Variants in MAP2K4 observed in about 807,000 individuals in gnomAD.
MAP2K4 encodes the protein mitogen-activated protein kinase kinase 4, also known as dual specificity mitogen-activated protein kinase kinase 4.
A neutral mutation model predicts 48.5 loss-of-function variants in MAP2K4; 4 were observed. The ratio of observed to expected loss-of-function variants is 0.08; its 90% CI spans 0.04 to 0.19. The LOEUF is 0.19. Among genes scored for constraint, MAP2K4 ranks in the 10% least tolerant of loss-of-function variants. The probability of loss-of-function intolerance (pLI) is 1.00; values close to 1 mark genes in which losing one functional copy is unlikely to be tolerated. For missense variants in MAP2K4, 258 were observed against 493.3 expected, an observed-to-expected ratio of 0.52 and a Z score of 4.52; for synonymous variants, 166 against 173.1, an observed-to-expected ratio of 0.96 and a Z score of 0.32.
chr17:12,021,049 C>A, intron 1 of MAP2K4, 48 bp downstream of exon 1: 2 of 1,128,448 alleles, frequency 1.8e-6, no homozygotes, highest in Non-Finnish European at 2.2e-6. Flanking sequence ...GCGCGGCAAC[C>A]CGCGTCGTCG....
intron 7 of MAP2K4, among the ~76,000 whole-genome samples, chr17:12,119,303 A>C (rs542690623): frequency 6.6e-6 from 1 of 152,344 alleles, no homozygotes; most frequent in South Asian, 2.1e-4. Context: ...TTTATAAGAA[A>C]GAAAACAACC....
chr17:12,131,459 C>G (rs985282479), intron 9 of MAP2K4, among the ~76,000 whole-genome samples: 2 of 151,738 alleles, frequency 1.3e-5, no homozygotes, highest in African/African-American at 4.8e-5. Context: ...GTTGGCCAGG[C>G]TGATCTCGAA....
intron 4 of MAP2K4, among the ~76,000 whole-genome samples, chr17:12,103,829 T>G (rs1176869517): frequency 6.6e-6 from 1 of 152,174 alleles, no homozygotes; most frequent in African/African-American, 2.4e-5. Context: ...TATGTAAATA[T>G]AGATTCGTAA....
intron 3 of MAP2K4, among the ~76,000 whole-genome samples, chr17:12,085,322 A>C (rs1971324760): frequency 6.6e-6 from 1 of 152,100 alleles, no homozygotes; most frequent in Admixed American, 6.5e-5. Flanking sequence ...TGAAGAACTG[A>C]ATAATATTGA....
intron 4 of MAP2K4, among the ~76,000 whole-genome samples, chr17:12,098,814 C>T (rs1971841259): frequency 6.6e-6 from 1 of 152,118 alleles, no homozygotes. Flanking sequence ...AGACTCAGCT[C>T]TTGGTTTGGT....
intron 2 of MAP2K4, among the ~76,000 whole-genome samples, chr17:12,061,546 T>C (rs957949325): frequency 1.3e-5 from 2 of 152,216 alleles, no homozygotes; most frequent in African/African-American, 2.4e-5. Flanking sequence ...AGGTGGTGGA[T>C]GCTAATTCTG....
intron 1 of MAP2K4, among the ~76,000 whole-genome samples, chr17:12,048,546 G>A (rs1597410847): frequency 6.6e-6 from 1 of 152,132 alleles, no homozygotes. Context: ...TTGCCAGTGG[G>A]GGGAGATAGG....
At chr17:12,029,312 C>A (rs1969357143) in intron 1 of MAP2K4, among the ~76,000 whole-genome samples, 1 of 152,084 alleles carries the variant, frequency 6.6e-6, no homozygotes, top group Non-Finnish European at 1.5e-5. Context: ...ATTGATTCAT[C>A]AGTGTCAAGA....
At chr17:12,082,753 G>A (rs1305146604) in intron 3 of MAP2K4, among the ~76,000 whole-genome samples, 2 of 152,172 alleles carry the variant, frequency 1.3e-5, no homozygotes, top group Admixed American at 6.5e-5. Flanking sequence ...TTTTTAAAAT[G>A]TGGTGAGAAC....
At chr17:12,048,987 A>G (rs1258641385) in intron 1 of MAP2K4, among the ~76,000 whole-genome samples, 2 of 152,102 alleles carry the variant, frequency 1.3e-5, no homozygotes, top group African/African-American at 2.4e-5. Context: ...AGCTTATGAA[A>G]TATTAGGTCT....
At chr17:12,038,328 T>C (rs1301884942) in intron 1 of MAP2K4, among the ~76,000 whole-genome samples, 3 of 152,142 alleles carry the variant, frequency 2.0e-5, no homozygotes, top group Admixed American at 2.0e-4. Flanking sequence ...GTTAATAAGA[T>C]GCACTAAGAA....
chr17:12,042,558 C>G (rs1969823827), intron 1 of MAP2K4, among the ~76,000 whole-genome samples: 1 of 151,882 alleles, frequency 6.6e-6, no homozygotes, highest in Non-Finnish European at 1.5e-5. Flanking sequence ...GGAGTATCGC[C>G]TAAGCTCGGG....
intron 1 of MAP2K4, among the ~76,000 whole-genome samples, chr17:12,054,427 T>C (rs903551656): frequency 3.3e-5 from 5 of 152,192 alleles, no homozygotes; most frequent in Non-Finnish European, 5.9e-5. Context: ...AAGTTTACTC[T>C]ACCGTAATGT....
In MAP2K4 at chr17:12,050,623, GT is replaced by G. The variant is rs139272847; in HGVS notation, c.116-4261del. On this transcript the variant is annotated intron_variant, in intron 1 of 10. Transcript: ENST00000353533. ...TGGACTCTCAACTGCCCGTGTTGAG[GT>G]TTTTGGCCAAGATCGAAGCAAACTA... Among the ~76,000 whole-genome samples, 1,040 of 152,286 alleles carry G rather than the reference GT, an allele frequency of 6.8e-3. 11 individuals carry two copies. Among genetic ancestry groups the G allele is most frequent in the African/African-American group, 0.024 (998 of 41,544 alleles).
intron 3 of MAP2K4, among the ~76,000 whole-genome samples, chr17:12,089,647 A>T (rs1971497753): frequency 6.6e-6 from 1 of 152,116 alleles, no homozygotes; most frequent in South Asian, 2.1e-4. Context: ...CAGCAGGGAG[A>T]TGTATCTCCT....
intron 6 of MAP2K4, among the ~76,000 whole-genome samples, chr17:12,111,125 T>A (rs1046357119): frequency 6.6e-6 from 1 of 152,096 alleles, no homozygotes; most frequent in Non-Finnish European, 1.5e-5. Flanking sequence ...CTCAGCAAAT[T>A]TGTAACGGAA....
chr17:12,073,635 T>C (rs9916795), intron 2 of MAP2K4, among the ~76,000 whole-genome samples: 1,723 of 152,286 alleles, frequency 0.011, 30 homozygotes, highest in African/African-American at 0.039. Flanking sequence ...TGAGGTATAA[T>C]TGGCATAGAA....
chr17:12,139,001 T>G (rs1424307881), intron 9 of MAP2K4, among the ~76,000 whole-genome samples: 3 of 152,136 alleles, frequency 2.0e-5, no homozygotes, highest in African/African-American at 7.2e-5. Context: ...AGTGGAAGAA[T>G]AAGTCCTTCC....
intron 4 of MAP2K4, among the ~76,000 whole-genome samples, chr17:12,103,038 T>TTAA (rs2151568534): frequency 6.7e-6 from 1 of 148,214 alleles, no homozygotes; most frequent in Non-Finnish European, 1.5e-5. Context: ...TTTCTTATCT[T>TTAA]TAAAAAAAAA....
Sources: gnomAD v4.1 joint callset for allele counts (sites outside exome capture counted in the v4.1 genomes callset) on GRCh38, gnomAD v4.1.1 for gene constraint, MANE v1.5 for transcripts, NCBI Gene and HGNC (gene_info 2026-07-23, HGNC 2026-07-21) for gene names.